The following THRAP3 variants were observed in gnomAD, a reference collection of about 807,000 sequenced individuals.
The protein encoded by THRAP3 is thyroid hormone receptor-associated protein 3.
In THRAP3, 16 loss-of-function variants were observed where a neutral mutation model predicts 101.0. That is an observed-to-expected ratio of 0.16 (90% CI 0.11 to 0.24). The LOEUF (loss-of-function observed/expected upper bound fraction) is 0.24. THRAP3 is among the 10% of genes least tolerant of loss of function. The pLI is 1.00. For missense variants in THRAP3, 989 were observed against 1,202.7 expected (o/e 0.82, Z 2.63); for synonymous variants, 407 against 422.6 (o/e 0.96, Z 0.45).
At chr1:36,268,543 C>G (rs1645544650) in intron 2 of THRAP3, among the ~76,000 whole-genome samples, 1 of 152,146 alleles carries the variant, frequency 6.6e-6, no homozygotes, top group Admixed American at 6.6e-5. Flanking sequence ...GCTGTGTCCT[C>G]CAGGCTGGAG....
chr1:36,216,291 G>A, the THRAP3 span, among the ~76,000 whole-genome samples: 1 of 151,934 alleles, frequency 6.6e-6, no homozygotes, highest in East Asian at 1.9e-4. Flanking sequence ...AGGCTGAGGT[G>A]GGTGGCTCAC....
chr1:36,224,713 CCGGCCTAG>C (rs2124310002), intron 1 of THRAP3, among the ~76,000 whole-genome samples: 2 of 152,314 alleles, frequency 1.3e-5, no homozygotes, highest in East Asian at 3.9e-4. Context: ...TCCCCTGGCC[CCGGCCTAG>C]CTCCCAAGGC....
chr1:36,219,719 C>T (rs991893380), upstream of THRAP3, among the ~76,000 whole-genome samples: 2 of 152,140 alleles, frequency 1.3e-5, no homozygotes, highest in Non-Finnish European at 2.9e-5. Context: ...CGTGAGCCTC[C>T]GTGCCCGGCC....
intron 4 of THRAP3, chr1:36,288,423 G>A: frequency 1.0e-6 from 1 of 985,384 alleles, no homozygotes; most frequent in Non-Finnish European, 1.2e-6. Flanking sequence ...TCCATGCCAG[G>A]ACTGTGAATC....
intron 1 of THRAP3, among the ~76,000 whole-genome samples, chr1:36,234,807 CTTTTTTTT>C (rs35278020): frequency 1.1e-4 from 8 of 72,482 alleles, no homozygotes; most frequent in South Asian, 6.5e-4. Flanking sequence ...CTGTTTCAGT[CTTTTTTTT>C]TTTTTTTTTT....
At chr1:36,268,158 G>A (rs944989542) in intron 2 of THRAP3, among the ~76,000 whole-genome samples, 1 of 151,818 alleles carries the variant, frequency 6.6e-6, no homozygotes, top group African/African-American at 2.4e-5. Context: ...CTCCAGCCTG[G>A]GCAACAGTGC....
the THRAP3 span, among the ~76,000 whole-genome samples, chr1:36,210,843 A>T: frequency 6.9e-6 from 1 of 145,646 alleles, no homozygotes; most frequent in Non-Finnish European, 1.5e-5. Context: ...TCAAAAAAAT[A>T]GTGATGCCTG....
chr1:36,211,107 G>A, the THRAP3 span, among the ~76,000 whole-genome samples: 6 of 151,892 alleles, frequency 4.0e-5, no homozygotes, highest in Non-Finnish European at 8.8e-5. Flanking sequence ...CAACACATTG[G>A]GAGGCCAAAG....
Position 36,294,018 on chromosome 1 carries a change from C to T in THRAP3, c.2115+83C>T, listed in dbSNP as rs142882410. 9,634 of 1,570,966 alleles carry T rather than the reference C, an allele frequency of 6.1e-3. 32 individuals carry two copies. The highest frequency in any genetic ancestry group is 7.8e-3 in the Non-Finnish European group (9,008 of 1,151,120). On this transcript the variant is annotated intron_variant, in intron 8 of 11. Coordinates refer to ENST00000354618, the MANE Select transcript of THRAP3 (RefSeq NM_005119.4). The stretch of plus-strand genomic sequence containing the variant: ...GACAGAAATGTGTTTGTTTAAATTA[C>T]TCTCTACTTAAGTTTGTGTTTTTCT...
At chr1:36,273,896 A>G (rs931992720) in intron 2 of THRAP3, among the ~76,000 whole-genome samples, 19 of 152,120 alleles carry the variant, frequency 1.2e-4, no homozygotes, top group African/African-American at 4.6e-4. Context: ...AAAAAAAATC[A>G]GCTGGGCGTG....
At chr1:36,228,293 C>T (rs1163255450) in intron 1 of THRAP3, among the ~76,000 whole-genome samples, 1 of 152,092 alleles carries the variant, frequency 6.6e-6, no homozygotes, top group Non-Finnish European at 1.5e-5. Context: ...TCTCGGCTCA[C>T]TGCTACCTCT....
chr1:36,219,929 C>G (rs1644894252), upstream of THRAP3, among the ~76,000 whole-genome samples: 1 of 152,114 alleles, frequency 6.6e-6, no homozygotes, highest in African/African-American at 2.4e-5. Context: ...ATCCTAAGGC[C>G]CTTAAGAATT....
chr1:36,294,342 A>C, intron 8 of THRAP3: 1 of 566,270 alleles, frequency 1.8e-6, no homozygotes, highest in Non-Finnish European at 2.2e-6. Flanking sequence ...GTCTTAACTT[A>C]AGTAGACTGT....
At chr1:36,280,326 A>G (rs191144611) in intron 2 of THRAP3, among the ~76,000 whole-genome samples, 1 of 152,368 alleles carries the variant, frequency 6.6e-6, no homozygotes, top group East Asian at 1.9e-4. Flanking sequence ...ATAAAGAAAG[A>G]TGAGGTTTCT....
chr1:36,287,837 G>A (rs1410586114), intron 4 of THRAP3: 1 of 985,320 alleles, frequency 1.0e-6, no homozygotes, highest in Non-Finnish European at 1.2e-6. Flanking sequence ...GAGAGGACAT[G>A]ACAGTGCTTC....
At chr1:36,211,183 G>A in the THRAP3 span, among the ~76,000 whole-genome samples, 1 of 151,244 alleles carries the variant, frequency 6.6e-6, no homozygotes, top group African/African-American at 2.4e-5. Flanking sequence ...AGCATAGAGA[G>A]ACTCTGTCAC....
intron 3 of THRAP3, among the ~76,000 whole-genome samples, chr1:36,285,398 A>G (rs138010029): frequency 9.8e-5 from 15 of 152,292 alleles, no homozygotes; most frequent in African/African-American, 2.4e-4. Flanking sequence ...AACATACGTA[A>G]TTTTTGGCTT....
At chr1:36,244,571 C>T (rs746443682) in intron 1 of THRAP3, among the ~76,000 whole-genome samples, 23 of 152,200 alleles carry the variant, frequency 1.5e-4, no homozygotes, top group Non-Finnish European at 2.2e-4. Context: ...TCCTCTTCGT[C>T]ACTTCTACGT....
intron 3 of THRAP3, among the ~76,000 whole-genome samples, chr1:36,283,480 T>C (rs970644075): frequency 2.0e-5 from 3 of 152,208 alleles, no homozygotes; most frequent in Non-Finnish European, 2.9e-5. Context: ...AAATAACAAG[T>C]TTCTATATGT....
Sources: gnomAD v4.1 joint callset for allele counts (sites outside exome capture counted in the v4.1 genomes callset) on GRCh38, gnomAD v4.1.1 for gene constraint, MANE v1.5 for transcripts, NCBI Gene and HGNC (gene_info 2026-07-23, HGNC 2026-07-21) for gene names.